ITGBL1: variants seen among roughly 807,000 people sequenced by gnomAD.
ITGBL1 encodes integrin subunit beta like 1.
In ITGBL1, 51 loss-of-function variants were observed where a neutral mutation model predicts 68.5. The observed-to-expected ratio is 0.74, with a 90% CI of 0.59 to 0.94. The LOEUF (loss-of-function observed/expected upper bound fraction) is 0.94. Ranked by LOEUF, ITGBL1 falls within the 40% of genes least tolerant of loss-of-function variation. The pLI, the probability that ITGBL1 is intolerant of heterozygous loss-of-function variation, is 0.00. For synonymous variants in ITGBL1, 209 were observed against 227.3 expected (o/e 0.92, Z 0.72); for missense variants, 649 against 647.4 (o/e 1.00, Z -0.03).
chr13:101,648,676 G>T (rs1459585763), intron 7 of ITGBL1, among the ~76,000 whole-genome samples: 1 of 152,028 alleles, frequency 6.6e-6, no homozygotes, highest in East Asian at 1.9e-4. Flanking sequence ...ATTAAATAAA[G>T]TTCATAGAAA....
intron 2 of ITGBL1, among the ~76,000 whole-genome samples, chr13:101,521,584 A>T (rs1196082811): frequency 1.3e-5 from 2 of 151,938 alleles, no homozygotes; most frequent in African/African-American, 2.4e-5. Context: ...CAGAGGAGTG[A>T]TGGGTGGGGA....
At chr13:101,650,795 T>C (rs939586369) in intron 7 of ITGBL1, among the ~76,000 whole-genome samples, 20 of 151,974 alleles carry the variant, frequency 1.3e-4, no homozygotes, top group Non-Finnish European at 2.2e-4. Context: ...TCCTCCCATG[T>C]CCCCCTTTTG....
chr13:101,704,485 A>T (rs987837990), intron 8 of ITGBL1, among the ~76,000 whole-genome samples: 5 of 1,250 alleles, frequency 4.0e-3, no homozygotes, highest in African/African-American at 6.0e-3. Flanking sequence ...TTCATTCAGT[A>T]AAAAAAAAAA....
intron 7 of ITGBL1, among the ~76,000 whole-genome samples, chr13:101,625,635 C>A (rs1396265853): frequency 6.6e-6 from 1 of 152,036 alleles, no homozygotes; most frequent in Non-Finnish European, 1.5e-5. Context: ...TCACCGCAAC[C>A]TCTGTCTCCT....
At chr13:101,570,121 T>C (rs2050249021) in intron 3 of ITGBL1, among the ~76,000 whole-genome samples, 1 of 152,136 alleles carries the variant, frequency 6.6e-6, no homozygotes, top group Non-Finnish European at 1.5e-5. Context: ...TCCTCTCTCA[T>C]TTATCAGTTA....
At chr13:101,718,605 A>G (rs999611813), downstream of ITGBL1, 5 of 152,136 alleles carry the variant, frequency 3.3e-5, no homozygotes, top group South Asian at 2.1e-4. Flanking sequence ...GACTTTTTCA[A>G]AAAAGTCAAC....
chr13:101,614,113 A>G (rs930228174), intron 7 of ITGBL1, among the ~76,000 whole-genome samples: 1 of 152,086 alleles, frequency 6.6e-6, no homozygotes, highest in Non-Finnish European at 1.5e-5. Flanking sequence ...ATCTTGAACA[A>G]TGAACCACCT....
At chr13:101,577,617 CT>C (rs1223187138) in intron 4 of ITGBL1, among the ~76,000 whole-genome samples, 2 of 152,068 alleles carry the variant, frequency 1.3e-5, no homozygotes, top group Non-Finnish European at 2.9e-5. Flanking sequence ...GTAATCCTTA[CT>C]TATGTTGCAC....
intron 2 of ITGBL1, among the ~76,000 whole-genome samples, chr13:101,512,052 G>A (rs1274173403): frequency 2.0e-5 from 3 of 152,054 alleles, no homozygotes; most frequent in African/African-American, 4.8e-5. Context: ...ATACCCCTCT[G>A]ACAAATAGTA....
intron 2 of ITGBL1, among the ~76,000 whole-genome samples, chr13:101,509,744 T>C (rs1459333873): frequency 6.6e-6 from 1 of 152,106 alleles, no homozygotes; most frequent in Non-Finnish European, 1.5e-5. Context: ...TGAACAGAAA[T>C]GACTTCCCAT....
chr13:101,646,117 T>G (rs895641665), intron 7 of ITGBL1, among the ~76,000 whole-genome samples: 1 of 152,190 alleles, frequency 6.6e-6, no homozygotes, highest in African/African-American at 2.4e-5. Flanking sequence ...TCCATTGGCT[T>G]TTACCCTTCA....
chr13:101,500,547 A>G (rs2048925405), intron 2 of ITGBL1, among the ~76,000 whole-genome samples: 1 of 152,198 alleles, frequency 6.6e-6, no homozygotes, highest in South Asian at 2.1e-4. Flanking sequence ...TTTAAAAATC[A>G]TTTACTAATG....
Position 101,692,615 on chromosome 13 carries a change from A to G in ITGBL1, c.1046A>G (p.Tyr349Cys), listed in dbSNP as rs751202946. 2.9e-5 allele frequency: 47 copies of G among 1,613,586 alleles called. No homozygotes were observed. The South Asian group carries it at 3.0e-4, about 10-fold the overall frequency. The change falls in exon 8 of 11, where the codon TAT becomes TGT. Residue 349 changes from tyrosine to cysteine, a missense_variant. By Grantham distance (194) the Tyr-to-Cys change is radical. Coordinates refer to ENST00000376180, the MANE Select transcript of ITGBL1 (RefSeq NM_004791.3). ...GKCECGKCTC[Y>C]PPGDRRVYGK... ...TGTGAATGTGGCAAATGCACCTGCT[A>G]TCCTCCAGGAGATCGCCGGGTGTAT...
intron 2 of ITGBL1, among the ~76,000 whole-genome samples, chr13:101,538,615 C>A (rs1359160880): frequency 1.3e-5 from 2 of 151,832 alleles, no homozygotes; most frequent in African/African-American, 4.8e-5. Context: ...AAAATCAGCA[C>A]CTGAAAGATC....
At chr13:101,709,944 C>A (rs1179593510) in intron 9 of ITGBL1, among the ~76,000 whole-genome samples, 1 of 152,110 alleles carries the variant, frequency 6.6e-6, no homozygotes, top group Non-Finnish European at 1.5e-5. Flanking sequence ...GTCATTACAG[C>A]CCTAGGAAAG....
intron 2 of ITGBL1, among the ~76,000 whole-genome samples, chr13:101,512,930 G>C (rs11842796): frequency 1.3e-5 from 2 of 152,094 alleles, no homozygotes; most frequent in African/African-American, 2.4e-5. Flanking sequence ...TGTGTGGCAG[G>C]AAATTCTTTT....
At chr13:101,521,314 G>A (rs1280436236) in intron 2 of ITGBL1, among the ~76,000 whole-genome samples, 1 of 152,132 alleles carries the variant, frequency 6.6e-6, no homozygotes, top group Non-Finnish European at 1.5e-5. Context: ...ATCTTTCATT[G>A]TAATATGGGA....
intron 9 of ITGBL1, among the ~76,000 whole-genome samples, chr13:101,709,371 C>CAAAAAAAAAAAAAAAAAA (rs747662212): frequency 1.6e-5 from 1 of 61,198 alleles, no homozygotes; most frequent in African/African-American, 9.8e-5. Flanking sequence ...GACTCCGTCT[C>CAAAAAAAAAAAAAAAAAA]AAAAAAAAAA....
intron 7 of ITGBL1, among the ~76,000 whole-genome samples, chr13:101,642,847 C>A (rs1356289591): frequency 6.6e-6 from 1 of 152,058 alleles, no homozygotes; most frequent in Non-Finnish European, 1.5e-5. Flanking sequence ...TTATTTTTCT[C>A]AGGTTTGTCA....
Sources: gnomAD v4.1 joint callset for allele counts (sites outside exome capture counted in the v4.1 genomes callset) on GRCh38, gnomAD v4.1.1 for gene constraint, MANE v1.5 for transcripts, NCBI Gene and HGNC (gene_info 2026-07-23, HGNC 2026-07-21) for gene names.